Variants in HACD4 observed in about 807,000 individuals in gnomAD.
HACD4 encodes 3-hydroxyacyl-CoA dehydratase 4.
A neutral mutation model predicts 33.3 loss-of-function variants in HACD4; 35 were observed. The observed-to-expected ratio is 1.05, with a 90% CI of 0.80 to 1.39. The LOEUF is 1.39. Among genes scored for constraint, HACD4 ranks in the 40% most tolerant of loss-of-function variants. The pLI, the probability that HACD4 is intolerant of heterozygous loss-of-function variation, is 0.00. For synonymous variants in HACD4, 118 were observed against 98.0 expected, an observed-to-expected ratio of 1.20 and a Z score of -1.21; for missense variants, 323 against 276.5, an observed-to-expected ratio of 1.17 and a Z score of -1.19.
chr9:21,028,135 C>CA (rs71334571), intron 2 of HACD4, among the ~76,000 whole-genome samples: 57,521 of 93,026 alleles, frequency 0.62, 15,072 homozygotes, highest in Admixed American at 0.68. Flanking sequence ...AACTCCATCT[C>CA]AAAAAAAAAA....
At chr9:21,014,008 T>C (rs1161446697) in intron 4 of HACD4, among the ~76,000 whole-genome samples, 1 of 152,186 alleles carries the variant, frequency 6.6e-6, no homozygotes, top group Non-Finnish European at 1.5e-5. Context: ...GCCCTTGTCT[T>C]GTTCCTGGAT....
In HACD4 at chr9:21,030,269, C is replaced by CAAA. The variant is rs57245979; in HGVS notation, c.39-874_39-872dup. ...CCAGCCTGGCCAACATGGCAACTTA[C>CAAA]AAAAAAAAAAAAAAAAAAGCCGGAT... On this transcript the variant is annotated intron_variant, in intron 1 of 6. Coordinates refer to ENST00000495827, the MANE Select transcript of HACD4 (RefSeq NM_001010915.5). Among the ~76,000 whole-genome samples, 275 of 110,868 alleles carry CAAA rather than the reference C, an allele frequency of 2.5e-3. 3 individuals are homozygous for CAAA. Among genetic ancestry groups the CAAA allele is most frequent in the African/African-American group, 9.4e-3 (246 of 26,242 alleles). 72.7% of individuals were successfully genotyped at this position (110,868 alleles called of 152,430 possible).
At chr9:21,008,904 A>G (rs1842340899) in intron 5 of HACD4, among the ~76,000 whole-genome samples, 1 of 152,118 alleles carries the variant, frequency 6.6e-6, no homozygotes, top group South Asian at 2.1e-4. Context: ...ATCCCTACAT[A>G]AAAAGTTTTT....
chr9:21,029,665 A>C (rs1818156821), intron 1 of HACD4, among the ~76,000 whole-genome samples: 1 of 152,220 alleles, frequency 6.6e-6, no homozygotes, highest in Non-Finnish European at 1.5e-5. Context: ...TCATAAACTG[A>C]AAATATCATA....
intron 3 of HACD4, among the ~76,000 whole-genome samples, chr9:21,025,891 T>C (rs995668733): frequency 6.6e-6 from 1 of 152,244 alleles, no homozygotes; most frequent in African/African-American, 2.4e-5. Flanking sequence ...ATACATGTTA[T>C]TTTCATATCA....
At chr9:21,020,833 G>A (rs955993560) in intron 3 of HACD4, among the ~76,000 whole-genome samples, 8 of 152,004 alleles carry the variant, frequency 5.3e-5, no homozygotes, top group East Asian at 1.9e-4. Context: ...TCCCCAAAGC[G>A]TATAAAAAAA....
intron 6 of HACD4, 113 bp downstream of exon 6, chr9:21,007,908 G>T: frequency 1.1e-6 from 1 of 902,228 alleles, no homozygotes; most frequent in Non-Finnish European, 1.6e-6. Flanking sequence ...CATGATGTCA[G>T]GCTTCCTCTT....
intron 1 of HACD4, among the ~76,000 whole-genome samples, 174 bp from the exon 2 acceptor site, chr9:21,029,572 C>A (rs770818966): frequency 2.0e-5 from 3 of 152,190 alleles, no homozygotes; most frequent in Non-Finnish European, 4.4e-5. Flanking sequence ...GAGCCATAAC[C>A]TACACTACCC....
intron 4 of HACD4, 31 bp from the exon 5 acceptor site, chr9:21,011,726 A>C: frequency 1.7e-6 from 2 of 1,175,654 alleles, no homozygotes; most frequent in Non-Finnish European, 2.5e-6. Context: ...CATAAACATC[A>C]TTTTCTGCTA....
At chr9:21,026,428 T>C (rs1243697073) in intron 3 of HACD4, among the ~76,000 whole-genome samples, 168 bp downstream of exon 3, 1 of 152,278 alleles carries the variant, frequency 6.6e-6, no homozygotes, top group Non-Finnish European at 1.5e-5. Flanking sequence ...CTGGTTATTC[T>C]AACTGGGCAG....
At chr9:21,011,512 C>T (rs1842435034) in intron 5 of HACD4, 77 bp downstream of exon 5, 1 of 847,856 alleles carries the variant, frequency 1.2e-6, no homozygotes, top group Non-Finnish European at 2.0e-6. Context: ...GTAATTTAAT[C>T]ATCAAAAAAT....
intron 4 of HACD4, among the ~76,000 whole-genome samples, chr9:21,013,066 CAAAAA>C (rs570206944): frequency 1.4e-5 from 1 of 69,018 alleles, no homozygotes. Context: ...GACTCCATCT[CAAAAA>C]AAAAAAAAAA....
rs1842200200 is a variant in HACD4, at chr9:21,003,524, A to G, written c.*3513T>C. The G allele has an allele frequency of 6.6e-6, 1 of 152,252 alleles. No individual in the cohort carries two copies. Among genetic ancestry groups the G allele is most frequent in the African/African-American group, 2.4e-5 (1 of 41,582 alleles). The allele number at this position is 152,252 out of a possible 1,614,324, so 9.4% of individuals were successfully genotyped here. A position where few individuals can be genotyped will look rare whatever the true frequency, so the allele number is the denominator to read the frequency against. On this transcript the variant is annotated 3_prime_UTR_variant, in exon 7 of 7. Transcript: ENST00000495827. ...AAAAATGTAGCTTTTTAAAAGGATA[A>G]TTTTTTAAAATCCAAATATATTTAT...
Position 21,006,826 on chromosome 9 carries a change from GC to G in HACD4, c.*210del, listed in dbSNP as rs1842281657. On this transcript the variant is annotated 3_prime_UTR_variant, in exon 7 of 7. Transcript: ENST00000495827. The surrounding 1 kb of genome is among the most constrained non-coding windows in gnomAD (Gnocchi z 4.6). ...CAAATGAAGCAGGAATTTTGGTGAA[GC>G]AGGGTATGGAGAATATATATGTCTT... The G allele has an allele frequency of 2.0e-6, 1 of 510,924 alleles. No homozygotes were observed. Among genetic ancestry groups the G allele is most frequent in the Non-Finnish European group, 3.5e-6 (1 of 286,150 alleles). 31.6% of individuals were successfully genotyped at this position (510,924 alleles called of 1,614,324 possible).
rs571177174 is a variant in HACD4, at chr9:21,013,289, CTT to C, written c.384-1596_384-1595del. ...ACACCATTTGTTGAAAAAGACTATT[CTT>C]TCCCCATTGAATGGTCTTGGCATTG... On this transcript the variant is annotated intron_variant, in intron 4 of 6. Transcript: ENST00000495827. Among the ~76,000 whole-genome samples, 19 of 152,170 alleles carry C rather than the reference CTT, an allele frequency of 1.2e-4. No homozygotes were observed. The South Asian group carries it at 3.9e-3, about 32-fold the overall frequency.
chr9:21,026,792 C>A (rs1018759396), intron 2 of HACD4, 69 bp from the exon 3 acceptor site: 1 of 1,322,096 alleles, frequency 7.6e-7, no homozygotes, highest in Non-Finnish European at 1.1e-6. Flanking sequence ...ATTTATGCAG[C>A]ACTTTGAAGT....
Position 21,000,964 on chromosome 9 carries a change from C to A in HACD4, c.*6073G>T, listed in dbSNP as rs1055908242. On this transcript the variant is annotated 3_prime_UTR_variant, in exon 7 of 7. Coordinates refer to ENST00000495827, the MANE Select transcript of HACD4 (RefSeq NM_001010915.5). ...AAGTAAGGAATAGTTTAAAAAAAAA[C>A]ATTAACTTAGGGACCTTAGTGAGAT... 3.3e-5 allele frequency: 5 copies of A among 151,640 alleles called. No individual in the cohort carries two copies. The highest frequency in any genetic ancestry group is 1.2e-4 in the African/African-American group (5 of 41,288). The allele number at this position is 151,640 out of a possible 1,614,324, so 9.4% of individuals were successfully genotyped here. A position where few individuals can be genotyped will look rare whatever the true frequency, so the allele number is the denominator to read the frequency against.
At position 21,008,580 on chromosome 9, in the gene HACD4, G is replaced by A. The variant is rs112709886; in HGVS notation, c.491-434C>T. 9.4e-3 allele frequency among the ~76,000 whole-genome samples: 1,427 copies of A among 152,114 alleles called. 25 individuals are homozygous for A. The highest frequency in any genetic ancestry group is 0.032 in the African/African-American group (1,346 of 41,510). ...TTCTGTAATAAAAAAATACCACCTA[G>A]CCTTTCCTCAATGTAACTGGCCTTA... On this transcript the variant is annotated intron_variant, in intron 5 of 6. Transcript: ENST00000495827.
chr9:21,031,467 C>T, intron 1 of HACD4, 86 bp downstream of exon 1: 4 of 1,347,842 alleles, frequency 3.0e-6, no homozygotes, highest in Non-Finnish European at 3.8e-6. Context: ...GGGGGTGCCG[C>T]CCGCCCGCCC....
Sources: allele counts gnomAD v4.1 joint callset (sites outside exome capture counted in the v4.1 genomes callset), GRCh38; gene constraint gnomAD v4.1.1; non-coding constraint Gnocchi (gnomAD v3.1); transcripts MANE v1.5; gene names NCBI Gene and HGNC (gene_info 2026-07-23, HGNC 2026-07-21).